Variants in PRMT8 observed in about 807,000 individuals in gnomAD.
PRMT8 encodes the protein protein arginine N-methyltransferase 8.
A neutral mutation model predicts 47.1 loss-of-function variants in PRMT8; 7 were observed. The observed-to-expected ratio is 0.15, with a 90% confidence interval of 0.08 to 0.28. PRMT8 has a LOEUF of 0.28. PRMT8 is among the 10% of genes least tolerant of loss of function. PRMT8 has a pLI of 1.00. For synonymous variants in PRMT8, 188 were observed against 186.5 expected, an observed-to-expected ratio of 1.01 and a Z score of -0.07; for missense variants, 237 against 505.4, an observed-to-expected ratio of 0.47 and a Z score of 5.09.
intron 1 of PRMT8, among the ~76,000 whole-genome samples, chr12:3,404,382 TA>T (rs776080465): frequency 2.0e-5 from 3 of 152,220 alleles, no homozygotes; most frequent in African/African-American, 7.2e-5. Context: ...GTATTCTAAC[TA>T]AAAAACATAT....
chr12:3,481,453 AG>A (rs1865273111), intron 1 of PRMT8, among the ~76,000 whole-genome samples: 1 of 152,176 alleles, frequency 6.6e-6, no homozygotes, highest in Non-Finnish European at 1.5e-5. Flanking sequence ...AGAAACTGAA[AG>A]GGCGCTTCTC....
rs532364972 is a variant in PRMT8 at position 3,568,869 on chromosome 12, C to T, written c.624+21C>T. The T allele has an allele frequency of 2.5e-5, 41 of 1,613,348 alleles. No homozygotes were observed. In the Admixed American group the frequency reaches 5.8e-4, roughly 23 times the overall value. ...GGCTGGTAAGTGTCCTGCATGCTGT[C>T]CCCGCGTTGGCCGGCTGGCTGTCCT... On this transcript the variant is annotated intron_variant, in intron 5 of 9. Transcript: ENST00000382622.
At chr12:3,490,181 C>T (rs528858845), upstream of PRMT8, among the ~76,000 whole-genome samples, 1 of 152,240 alleles carries the variant, frequency 6.6e-6, no homozygotes, top group South Asian at 2.1e-4. Context: ...AGGTCTCAGT[C>T]CTTGACTCGT....
chr12:3,490,878 G>C (rs969018250), upstream of PRMT8, among the ~76,000 whole-genome samples: 1 of 152,078 alleles, frequency 6.6e-6, no homozygotes, highest in African/African-American at 2.4e-5. Context: ...GGGCCGGGGT[G>C]GGGAGGGTGC....
At chr12:3,531,526 C>T (rs1282229704) in intron 1 of PRMT8, among the ~76,000 whole-genome samples, 3 of 152,190 alleles carry the variant, frequency 2.0e-5, no homozygotes, top group East Asian at 1.9e-4. Context: ...CAATAGATTC[C>T]CTCTCAGCAC....
chr12:3,567,736 A>G (rs1312678392), intron 4 of PRMT8, among the ~76,000 whole-genome samples: 1 of 152,234 alleles, frequency 6.6e-6, no homozygotes, highest in Non-Finnish European at 1.5e-5. Context: ...GTAAGCTACT[A>G]TCAGCCTACT....
At chr12:3,439,204 A>G (rs190038029) in intron 1 of PRMT8, among the ~76,000 whole-genome samples, 25 of 152,368 alleles carry the variant, frequency 1.6e-4, no homozygotes, top group Admixed American at 6.5e-4. Flanking sequence ...ACTCTGTTCT[A>G]TATTTTATCT....
intron 1 of PRMT8, among the ~76,000 whole-genome samples, chr12:3,455,811 G>A (rs978568936): frequency 6.6e-6 from 1 of 152,120 alleles, no homozygotes; most frequent in Admixed American, 6.5e-5. Context: ...TTTTCGAAGT[G>A]TAAGAACTTG....
chr12:3,386,143 A>G (rs1158443632), intron 1 of PRMT8, among the ~76,000 whole-genome samples: 1 of 152,210 alleles, frequency 6.6e-6, no homozygotes, highest in East Asian at 1.9e-4. Flanking sequence ...CTACCAGGCT[A>G]TGGGACCCTC....
rs980177055 is a variant in PRMT8, at chr12:3,576,231, A to G, written c.713-640A>G. On this transcript the variant is annotated intron_variant, in intron 6 of 9. Transcript: ENST00000382622. The surrounding 1 kb of genome is among the most constrained non-coding windows in gnomAD (Gnocchi z 4.0). Reference sequence around the variant, plus strand: ...ATCCTTAGTGAGTGCATCTTGGCATACAAGGAAGGCAGAGATGCTCCTGGA... The same window carrying G: ...ATCCTTAGTGAGTGCATCTTGGCATGCAAGGAAGGCAGAGATGCTCCTGGA... Among the ~76,000 whole-genome samples, 1 of 152,192 alleles carries G rather than the reference A, an allele frequency of 6.6e-6. No individual in the cohort carries two copies. Among genetic ancestry groups the G allele is most frequent in the African/African-American group, 2.4e-5 (1 of 41,446 alleles).
intron 1 of PRMT8, among the ~76,000 whole-genome samples, chr12:3,470,674 G>C (rs990606313): frequency 6.6e-6 from 1 of 150,628 alleles, no homozygotes; most frequent in Non-Finnish European, 1.5e-5. Flanking sequence ...CACTGCCTCT[G>C]TGGTCCCGGT....
chr12:3,464,361 A>G (rs1269480447), intron 1 of PRMT8, among the ~76,000 whole-genome samples: 2 of 152,188 alleles, frequency 1.3e-5, no homozygotes. Flanking sequence ...AAGAAAAAAA[A>G]CAAAAACCCT....
intron 6 of PRMT8, among the ~76,000 whole-genome samples, chr12:3,575,324 T>C (rs1866918751): frequency 6.6e-6 from 1 of 152,218 alleles, no homozygotes; most frequent in South Asian, 2.1e-4. Flanking sequence ...GTTTGGTGAA[T>C]GTTTTAAAAT....
chr12:3,565,469 T>G (rs1226425806), intron 4 of PRMT8, among the ~76,000 whole-genome samples: 1 of 152,164 alleles, frequency 6.6e-6, no homozygotes, highest in African/African-American at 2.4e-5. Flanking sequence ...CCTTTTCCTT[T>G]GACAAAGGGC....
rs756205618 is a variant in PRMT8 at position 3,540,631 on chromosome 12, C to T, written c.101C>T (p.Pro34Leu). The T allele has an allele frequency of 4.4e-6, 7 of 1,577,180 alleles. No individual in the cohort carries two copies. The highest frequency in any genetic ancestry group is 5.2e-6 in the Non-Finnish European group (6 of 1,148,056). ...GTGAACAGCCCCCCCTCCCAGCCCC[C>T]CCAGCCCGTCGTCCCTGCTAAGCCC... Reference protein sequence around the residue: ...TEVNSPPSQPPQPVVPAKPVQ... With the variant: ...TEVNSPPSQPLQPVVPAKPVQ... The change falls in exon 2 of 10, where the codon CCC becomes CTC. Residue 34 changes from proline (P) to leucine (L), a missense_variant. Physicochemically the swap from Pro to Leu is moderately conservative, Grantham distance 98. Around this residue, in one of 5 missense-constraint regions of PRMT8, gnomAD observed 43 missense variants for 32.4 expected, o/e 1.33. Coordinates refer to ENST00000382622, the MANE Select transcript of PRMT8 (RefSeq NM_019854.5).
intron 1 of PRMT8, among the ~76,000 whole-genome samples, chr12:3,458,387 A>G (rs937298846): frequency 6.6e-6 from 1 of 152,204 alleles, no homozygotes; most frequent in African/African-American, 2.4e-5. Flanking sequence ...CAGCAGGTCC[A>G]TGGGCCCCAG....
chr12:3,467,436 T>A (rs531378303), intron 1 of PRMT8, among the ~76,000 whole-genome samples: 2 of 152,056 alleles, frequency 1.3e-5, no homozygotes, highest in Non-Finnish European at 2.9e-5. Context: ...ACAGGCTGAT[T>A]GTCCCCAATC....
chr12:3,577,584 C>A (rs1432041920), intron 7 of PRMT8, among the ~76,000 whole-genome samples: 1 of 152,228 alleles, frequency 6.6e-6, no homozygotes, highest in East Asian at 1.9e-4. Flanking sequence ...TGTGTCCAAC[C>A]TGCATCCTCT....
At chr12:3,444,474 G>C (rs998593970) in intron 1 of PRMT8, among the ~76,000 whole-genome samples, 4 of 152,216 alleles carry the variant, frequency 2.6e-5, no homozygotes, top group Admixed American at 2.0e-4. Flanking sequence ...TTCCTCCGAA[G>C]TCACCCACTT....
Sources: allele counts gnomAD v4.1 joint callset (sites outside exome capture counted in the v4.1 genomes callset), GRCh38; gene constraint gnomAD v4.1.1; regional missense constraint gnomAD v4.1.1; non-coding constraint Gnocchi (gnomAD v3.1); transcripts MANE v1.5; gene names NCBI Gene and HGNC (gene_info 2026-07-23, HGNC 2026-07-21).